The following MAGI2 variants were observed in gnomAD, a reference collection of about 807,000 sequenced individuals.
The protein encoded by MAGI2 is membrane-associated guanylate kinase, WW and PDZ domain-containing protein 2.
In MAGI2, 35 loss-of-function variants were observed where a neutral mutation model predicts 133.3. The observed-to-expected ratio is 0.26, with a 90% CI of 0.20 to 0.35. MAGI2 has a LOEUF of 0.35. MAGI2 is among the 10% of genes least tolerant of loss of function. The pLI, the probability that MAGI2 is intolerant of heterozygous loss-of-function variation, is 1.00. For synonymous variants in MAGI2, 729 were observed against 710.6 expected (o/e 1.03, Z -0.41); for missense variants, 1,636 against 1,863.4 (o/e 0.88, Z 2.25).
intron 1 of MAGI2, among the ~76,000 whole-genome samples, chr7:79,450,690 CAA>C (rs1849177945): frequency 6.6e-6 from 1 of 152,122 alleles, no homozygotes; most frequent in African/African-American, 2.4e-5. Context: ...AAATTCAATA[CAA>C]GAGTGATCTC....
intron 6 of MAGI2, among the ~76,000 whole-genome samples, chr7:78,378,176 A>G (rs1029957601): frequency 3.6e-4 from 54 of 152,074 alleles, no homozygotes; most frequent in Middle Eastern, 3.2e-3. Flanking sequence ...TATAAGGACT[A>G]TTGAGGAAAG....
chr7:78,204,888 A>G (rs1207580900), intron 10 of MAGI2, among the ~76,000 whole-genome samples: 4 of 152,204 alleles, frequency 2.6e-5, no homozygotes, highest in East Asian at 1.9e-4. Flanking sequence ...TTTTAAATAG[A>G]TGCGTTTTAA....
At chr7:79,402,873 T>C (rs1429758668) in intron 1 of MAGI2, among the ~76,000 whole-genome samples, 1 of 152,142 alleles carries the variant, frequency 6.6e-6, no homozygotes, top group African/African-American at 2.4e-5. Context: ...TATTATAGAG[T>C]GAATAAAACA....
intron 4 of MAGI2, chr7:78,509,250 T>A (rs1003877101): frequency 6.6e-6 from 1 of 152,158 alleles, no homozygotes; most frequent in Non-Finnish European, 1.5e-5. Context: ...TTAAATAGAA[T>A]TCCTAGAAAT....
At chr7:79,104,746 C>G (rs972362061) in intron 1 of MAGI2, among the ~76,000 whole-genome samples, 2 of 152,036 alleles carry the variant, frequency 1.3e-5, no homozygotes, top group Admixed American at 1.3e-4. Flanking sequence ...AATAACCAAG[C>G]AGCCATGAGG....
rs1209892205 is a variant in MAGI2 at position 78,521,750 on chromosome 7, A to G, written c.539-105T>C. 3.6e-6 allele frequency: 3 copies of G among 829,956 alleles called. No individual in the cohort carries two copies. In the East Asian group the frequency reaches 7.7e-5, roughly 21 times the overall value. 51.4% of individuals were successfully genotyped at this position (829,956 alleles called of 1,614,324 possible). On this transcript the variant is annotated intron_variant, in intron 3 of 21. Coordinates refer to ENST00000354212, the MANE Select transcript of MAGI2 (RefSeq NM_012301.4). ...TTAACACATTTTTATCCTATTTTAT[A>G]TGTACATACATAGACACATACATAT...
chr7:79,418,161 G>C (rs1174887519), intron 1 of MAGI2, among the ~76,000 whole-genome samples: 2 of 151,838 alleles, frequency 1.3e-5, no homozygotes, highest in Non-Finnish European at 2.9e-5. Flanking sequence ...AAAAAATAAT[G>C]GTGCACCTTA....
rs112239449 is a variant in MAGI2, at chr7:78,394,897, G to A, written c.1046-25684C>T. On this transcript the variant is annotated intron_variant, in intron 6 of 21. Coordinates refer to ENST00000354212, the MANE Select transcript of MAGI2 (RefSeq NM_012301.4). The stretch of plus-strand genomic sequence containing the variant: ...TAAAACCTACAAGATTTCCATGGCC[G>A]CACTTTAGCTAATTTTATTATTAAC... Among the ~76,000 whole-genome samples, 4 of 152,254 alleles carry A rather than the reference G, an allele frequency of 2.6e-5. 1 individual carries two copies. Among genetic ancestry groups the A allele is most frequent in the African/African-American group, 9.6e-5 (4 of 41,552 alleles).
chr7:78,899,765 T>C (rs1428914974), intron 2 of MAGI2, among the ~76,000 whole-genome samples: 1 of 152,160 alleles, frequency 6.6e-6, no homozygotes, highest in East Asian at 1.9e-4. Context: ...TGTCATATAG[T>C]CTGTGTTGAG....
intron 3 of MAGI2, among the ~76,000 whole-genome samples, chr7:78,582,100 T>C (rs1433872527): frequency 6.6e-6 from 1 of 152,210 alleles, no homozygotes. Flanking sequence ...TTTTCTCAGA[T>C]GCAAAGGTAC....
At chr7:79,029,377 T>G (rs919295269) in intron 1 of MAGI2, among the ~76,000 whole-genome samples, 2 of 152,182 alleles carry the variant, frequency 1.3e-5, no homozygotes, top group Non-Finnish European at 2.9e-5. Context: ...ATTTTAGAGA[T>G]GTGATTAACT....
intron 1 of MAGI2, among the ~76,000 whole-genome samples, chr7:79,074,668 G>A (rs1481760614): frequency 6.6e-6 from 1 of 152,206 alleles, no homozygotes; most frequent in Non-Finnish European, 1.5e-5. Flanking sequence ...GTTGAATTAA[G>A]TATGTGAAAA....
intron 1 of MAGI2, among the ~76,000 whole-genome samples, chr7:79,251,555 A>G (rs557890217): frequency 2.4e-4 from 37 of 152,136 alleles, no homozygotes; most frequent in Non-Finnish European, 4.0e-4. Context: ...TCTTGGTTAA[A>G]AAGGCTTTTA....
intron 1 of MAGI2, among the ~76,000 whole-genome samples, chr7:79,013,522 A>C (rs1475826782): frequency 6.6e-6 from 1 of 152,182 alleles, no homozygotes; most frequent in Non-Finnish European, 1.5e-5. Context: ...TGTGTTGTTA[A>C]GTTCCTTTTT....
At chr7:78,437,757 A>G (rs1217170446) in intron 6 of MAGI2, among the ~76,000 whole-genome samples, 7 of 152,204 alleles carry the variant, frequency 4.6e-5, no homozygotes, top group Non-Finnish European at 4.4e-5. Flanking sequence ...TTCACAAGTG[A>G]CATACCATGG....
chr7:78,451,119 T>G (rs1003909319), intron 6 of MAGI2, among the ~76,000 whole-genome samples: 1 of 152,118 alleles, frequency 6.6e-6, no homozygotes, highest in Non-Finnish European at 1.5e-5. Context: ...ACTGCTTTGC[T>G]GAACTTCTCT....
At chr7:78,441,247 G>T (rs1787597233) in intron 6 of MAGI2, among the ~76,000 whole-genome samples, 1 of 152,084 alleles carries the variant, frequency 6.6e-6, no homozygotes, top group South Asian at 2.1e-4. Flanking sequence ...ACATAACCTT[G>T]ATATTAGTTG....
chr7:78,136,539 A>G (rs1584090621), intron 16 of MAGI2, among the ~76,000 whole-genome samples: 1 of 152,348 alleles, frequency 6.6e-6, no homozygotes, highest in East Asian at 1.9e-4. Context: ...ATAACTATTT[A>G]TGGGGTGGAC....
intron 2 of MAGI2, among the ~76,000 whole-genome samples, chr7:78,715,651 G>T (rs1358308972): frequency 6.6e-6 from 1 of 152,114 alleles, no homozygotes; most frequent in Admixed American, 6.5e-5. Flanking sequence ...GAAGGGTGAA[G>T]ATACCAAAGA....
Sources: allele counts gnomAD v4.1 joint callset (sites outside exome capture counted in the v4.1 genomes callset), GRCh38; gene constraint gnomAD v4.1.1; transcripts MANE v1.5; gene names NCBI Gene and HGNC (gene_info 2026-07-23, HGNC 2026-07-21).